Variants in KLHL20 observed in about 807,000 individuals in gnomAD.
KLHL20 encodes the protein kelch-like protein 20.
KLHL20 carries 29 observed loss-of-function variants against 69.5 expected under a neutral mutation model. That is an observed-to-expected ratio of 0.42 (90% CI 0.31 to 0.57). The LOEUF (loss-of-function observed/expected upper bound fraction) is 0.57. KLHL20 is among the 20% of genes least tolerant of loss of function. The probability of loss-of-function intolerance (pLI) is 0.18; values close to 1 mark genes in which losing one functional copy is unlikely to be tolerated. For synonymous variants in KLHL20, 253 were observed against 265.2 expected, an observed-to-expected ratio of 0.95 and a Z score of 0.45; for missense variants, 419 against 776.0, an observed-to-expected ratio of 0.54 and a Z score of 5.47.
At chr1:173,722,190 A>T (rs1671744970) in intron 2 of KLHL20, among the ~76,000 whole-genome samples, 1 of 152,052 alleles carries the variant, frequency 6.6e-6, no homozygotes, top group Non-Finnish European at 1.5e-5. Flanking sequence ...AGCTCAAACG[A>T]TCCTCCTGCC....
At chr1:173,756,953 G>T in intron 6 of KLHL20, 23 bp from the exon 7 acceptor site, 1 of 1,609,140 alleles carries the variant, frequency 6.2e-7, no homozygotes, top group South Asian at 1.1e-5. Flanking sequence ...GGATTCTCTT[G>T]ACCATTTCTG....
intron 5 of KLHL20, among the ~76,000 whole-genome samples, chr1:173,755,545 G>A (rs996488260): frequency 1.3e-5 from 2 of 152,028 alleles, no homozygotes; most frequent in Admixed American, 1.3e-4. Flanking sequence ...AATAACTATT[G>A]CCCTGGCTGA....
intron 7 of KLHL20, among the ~76,000 whole-genome samples, chr1:173,759,636 A>G (rs570240249): frequency 1.6e-4 from 24 of 152,256 alleles, no homozygotes; most frequent in African/African-American, 4.1e-4. Context: ...AATCACTGCA[A>G]TTTGGTTCAC....
At chr1:173,735,320 C>T (rs1480706872) in intron 3 of KLHL20, among the ~76,000 whole-genome samples, 1 of 152,000 alleles carries the variant, frequency 6.6e-6, no homozygotes, top group African/African-American at 2.4e-5. Context: ...GTGGCGTGCA[C>T]CCTTAGTCCC....
At chr1:173,754,058 C>T (rs1051830970) in intron 5 of KLHL20, among the ~76,000 whole-genome samples, 14 of 151,990 alleles carry the variant, frequency 9.2e-5, no homozygotes, top group Admixed American at 5.2e-4. Flanking sequence ...GACCTTTGAA[C>T]CTCCCTTGGT....
At chr1:173,732,515 A>C (rs1333685026) in intron 2 of KLHL20, among the ~76,000 whole-genome samples, 1 of 152,160 alleles carries the variant, frequency 6.6e-6, no homozygotes, top group Non-Finnish European at 1.5e-5. Context: ...GCGTATCTAT[A>C]CAAATTTGTG....
chr1:173,740,279 C>T (rs769361545), intron 3 of KLHL20, among the ~76,000 whole-genome samples: 4 of 151,568 alleles, frequency 2.6e-5, no homozygotes, highest in Admixed American at 6.6e-5. Flanking sequence ...CCTGCCACCA[C>T]GCCCGGCCAA....
chr1:173,723,465 A>G (rs569618735), intron 2 of KLHL20, among the ~76,000 whole-genome samples: 27 of 152,310 alleles, frequency 1.8e-4, no homozygotes, highest in African/African-American at 6.3e-4. Context: ...TTTTTGTGCT[A>G]TATCTTTGCA....
At position 173,751,813 on chromosome 1, in the gene KLHL20, A is replaced by G; in HGVS notation, c.647A>G (p.Asp216Gly). 1.2e-6 allele frequency: 2 copies of G among 1,614,106 alleles called. No individual in the cohort carries two copies. Among genetic ancestry groups the G allele is most frequent in the Non-Finnish European group, 1.7e-6 (2 of 1,179,976 alleles). The change falls in exon 4 of 12, where the codon GAT becomes GGT. Residue 216 changes from aspartate to glycine, a missense_variant. Transcript: ENST00000209884. ...FMLLPANQLIDIISSDELNVR... is the reference protein window; with the variant it reads ...FMLLPANQLIGIISSDELNVR... ...TTGCTTCCAGCCAATCAACTCATTG[A>G]TATAATATCCAGTGATGAGCTAAAC...
Position 173,785,608 on chromosome 1 carries a change from A to C in KLHL20, c.*361A>C. 6.4e-6 allele frequency: 1 copy of C among 155,190 alleles called. No homozygotes were observed. Among genetic ancestry groups the C allele is most frequent in the East Asian group, 1.9e-4 (1 of 5,286 alleles). 9.6% of individuals were successfully genotyped at this position (155,190 alleles called of 1,614,324 possible). On this transcript the variant is annotated 3_prime_UTR_variant, in exon 12 of 12. Coordinates refer to ENST00000209884, the MANE Select transcript of KLHL20 (RefSeq NM_014458.4). ...ACTATTTAATAAGGGCAGAAGGGCT[A>C]TATATGATTTGGCTATTATTTCTAG...
chr1:173,762,538 TC>T (rs1417117460), intron 7 of KLHL20, among the ~76,000 whole-genome samples: 12 of 152,200 alleles, frequency 7.9e-5, no homozygotes, highest in African/African-American at 2.9e-4. Flanking sequence ...TCCACCATGA[TC>T]AAGTGTGTTT....
chr1:173,771,198 C>G (rs984090035), intron 8 of KLHL20, among the ~76,000 whole-genome samples: 6 of 152,174 alleles, frequency 3.9e-5, no homozygotes, highest in African/African-American at 1.4e-4. Flanking sequence ...ATCTTGTTCC[C>G]TTGAGCCCTC....
At chr1:173,767,458 C>G (rs10912688) in intron 8 of KLHL20, among the ~76,000 whole-genome samples, 9,529 of 152,152 alleles carry the variant, frequency 0.063, 957 homozygotes, top group African/African-American at 0.21. Flanking sequence ...TTCGAGGAAC[C>G]TCCATACTGT....
chr1:173,732,274 C>T (rs759366294), intron 2 of KLHL20, among the ~76,000 whole-genome samples: 11 of 151,250 alleles, frequency 7.3e-5, no homozygotes, highest in East Asian at 1.9e-4. Flanking sequence ...CCTAGGAGTT[C>T]AAGACCAGCG....
intron 10 of KLHL20, among the ~76,000 whole-genome samples, chr1:173,781,059 A>C (rs1487105883): frequency 2.4e-5 from 1 of 42,356 alleles, no homozygotes; most frequent in Non-Finnish European, 5.5e-5. Flanking sequence ...GAGGTGGGGG[A>C]GGGGAGGGGA....
At chr1:173,728,339 CAG>C (rs1284252152) in intron 2 of KLHL20, among the ~76,000 whole-genome samples, 1 of 152,162 alleles carries the variant, frequency 6.6e-6, no homozygotes, top group African/African-American at 2.4e-5. Flanking sequence ...ATCAACGAGA[CAG>C]AAAGTTAACA....
At chr1:173,740,174 T>C (rs1423814730) in intron 3 of KLHL20, among the ~76,000 whole-genome samples, 1 of 149,864 alleles carries the variant, frequency 6.7e-6, no homozygotes, top group Admixed American at 6.7e-5. Context: ...CAGGCTGGAG[T>C]GCAGTGGCGC....
chr1:173,775,026 G>T (rs769848480), intron 9 of KLHL20, among the ~76,000 whole-genome samples: 52 of 152,188 alleles, frequency 3.4e-4, no homozygotes, highest in South Asian at 1.7e-3. Flanking sequence ...GCCCAGGTTG[G>T]TCTCAAACTC....
At chr1:173,771,346 G>T (rs1340401657) in intron 8 of KLHL20, among the ~76,000 whole-genome samples, 1 of 152,144 alleles carries the variant, frequency 6.6e-6, no homozygotes, top group Non-Finnish European at 1.5e-5. Context: ...CAAGGCTGCA[G>T]TGAGCTATGA....
Sources: allele counts gnomAD v4.1 joint callset (sites outside exome capture counted in the v4.1 genomes callset), GRCh38; gene constraint gnomAD v4.1.1; transcripts MANE v1.5; gene names NCBI Gene and HGNC (gene_info 2026-07-23, HGNC 2026-07-21).